The following KAZN variants were observed in gnomAD, a reference collection of about 807,000 sequenced individuals.
KAZN encodes kazrin.
In KAZN, 40 loss-of-function variants were observed where a neutral mutation model predicts 87.4. The observed-to-expected ratio is 0.46, with a 90% confidence interval of 0.36 to 0.60. KAZN has a LOEUF of 0.60. Ranked by LOEUF, KAZN falls within the 20% of genes least tolerant of loss-of-function variation. The pLI, the probability that KAZN is intolerant of heterozygous loss-of-function variation, is 0.00. For synonymous variants in KAZN, 466 were observed against 458.3 expected (o/e 1.02, Z -0.22); for missense variants, 898 against 1,073.9 (o/e 0.84, Z 2.29).
Position 14,235,021 on chromosome 1 carries a change from A to G in KAZN, c.249+54429A>G, listed in dbSNP as rs751698693. On this transcript the variant is annotated intron_variant, in intron 2 of 16. Coordinates refer to the KAZN transcript ENST00000636203. ...TAGCTAGTTACTGTATGACCCAGCA[A>G]TTCCACCCACACATACATATCCCCA... Among the ~76,000 whole-genome samples, 25 of 152,350 alleles carry G rather than the reference A, an allele frequency of 1.6e-4. 1 individual carries two copies. Among genetic ancestry groups the G allele is most frequent in the Middle Eastern group, 3.4e-3 (1 of 294 alleles).
At chr1:14,455,438 C>T (rs554598305) in intron 2 of KAZN, among the ~76,000 whole-genome samples, 4 of 152,212 alleles carry the variant, frequency 2.6e-5, no homozygotes, top group African/African-American at 7.2e-5. Context: ...GGGATCACTG[C>T]GGGCCATCTT....
At position 15,066,431 on chromosome 1, in the gene KAZN, G is replaced by A. The variant is rs1164728830; in HGVS notation, c.1222+678G>A. The A allele has an allele frequency of 1.5e-5, 15 of 985,190 alleles. No individual in the cohort carries two copies. Among genetic ancestry groups the A allele is most frequent in the Non-Finnish European group, 1.8e-5 (15 of 829,958 alleles). The allele number at this position is 985,190 out of a possible 1,614,324, so 61.0% of individuals were successfully genotyped here. Reference sequence around the variant, plus strand: ...CAAAACGCCATCGTCGTCAGGGTAAGCTCTGCTCTCTACAAAGACTCGCGA... The same window carrying A: ...CAAAACGCCATCGTCGTCAGGGTAAACTCTGCTCTCTACAAAGACTCGCGA... On this transcript the variant is annotated intron_variant, in intron 8 of 14. Coordinates refer to ENST00000376030, the MANE Select transcript of KAZN (RefSeq NM_201628.3). This position sits in a 1 kb window ranked among gnomAD's most constrained non-coding sequence, Gnocchi z 4.3.
chr1:14,029,866 C>T (rs956994439), intron 1 of KAZN, among the ~76,000 whole-genome samples: 79 of 152,232 alleles, frequency 5.2e-4, no homozygotes, highest in East Asian at 7.7e-4. Context: ...CATGCTGTTT[C>T]GGTTACTGTA....
intron 1 of KAZN, among the ~76,000 whole-genome samples, chr1:14,652,276 T>TCA (rs1638430267): frequency 6.6e-6 from 1 of 152,154 alleles, no homozygotes; most frequent in South Asian, 2.1e-4. Flanking sequence ...TGTGTGATAT[T>TCA]TTTACCCAAT....
chr1:14,185,873 G>T (rs959432740), intron 2 of KAZN, among the ~76,000 whole-genome samples: 1 of 152,098 alleles, frequency 6.6e-6, no homozygotes, highest in Non-Finnish European at 1.5e-5. Context: ...CTCTGTCATC[G>T]TTGTAAAATC....
chr1:14,191,904 G>A (rs1646427088), intron 2 of KAZN, among the ~76,000 whole-genome samples: 1 of 152,108 alleles, frequency 6.6e-6, no homozygotes, highest in Admixed American at 6.5e-5. Flanking sequence ...AGAGAACCAA[G>A]TACTTCTGCC....
At chr1:14,026,375 T>C (rs1641070608) in intron 1 of KAZN, among the ~76,000 whole-genome samples, 1 of 152,164 alleles carries the variant, frequency 6.6e-6, no homozygotes, top group Non-Finnish European at 1.5e-5. Flanking sequence ...TGCTTGAGAT[T>C]ATAGAGTGGT....
chr1:14,141,255 A>T lies in KAZN; in HGVS notation c.92-39180A>T, dbSNP rs532466849. On this transcript the variant is annotated intron_variant, in intron 1 of 16. Transcript: ENST00000636203. ...ACCATTTAAAAAAAAAAAAAAAAAC[A>T]AAACTAAAAATAGCTGCTTGGAGAA... is the stretch of plus-strand genomic sequence containing the variant. 1.4e-4 allele frequency among the ~76,000 whole-genome samples: 19 copies of T among 136,948 alleles called. 1 individual carries two copies. The South Asian group carries it at 2.3e-3, about 17-fold the overall frequency. 89.8% of individuals were successfully genotyped at this position (136,948 alleles called of 152,430 possible).
intron 2 of KAZN, among the ~76,000 whole-genome samples, chr1:14,373,553 A>G (rs532795752): frequency 1.6e-4 from 25 of 152,264 alleles, no homozygotes; most frequent in African/African-American, 6.0e-4. Flanking sequence ...TTCAAATGCT[A>G]ATCTCTTCCA....
chr1:14,565,359 G>C (rs183379849), intron 2 of KAZN, among the ~76,000 whole-genome samples: 1 of 151,684 alleles, frequency 6.6e-6, no homozygotes, highest in East Asian at 1.9e-4. Flanking sequence ...AATCGCGTAT[G>C]TCTAAAAAGC....
chr1:13,987,813 A>G (rs1446194205), intron 1 of KAZN, among the ~76,000 whole-genome samples: 1 of 152,182 alleles, frequency 6.6e-6, no homozygotes, highest in Non-Finnish European at 1.5e-5. Flanking sequence ...ATCTTAGTCT[A>G]TTTTGTGTTG....
At chr1:14,759,565 C>A (rs116564204) in intron 1 of KAZN, among the ~76,000 whole-genome samples, 282 of 152,240 alleles carry the variant, frequency 1.9e-3, no homozygotes, top group African/African-American at 6.5e-3. Flanking sequence ...CAATTATAGG[C>A]ACTAAAAGAC....
At chr1:15,003,066 C>T (rs1668656795) in intron 2 of KAZN, among the ~76,000 whole-genome samples, 1 of 151,702 alleles carries the variant, frequency 6.6e-6, no homozygotes, top group African/African-American at 2.4e-5. Flanking sequence ...CCTCAGGCGA[C>T]AGAAGGGCAC....
intron 2 of KAZN, chr1:14,390,567 G>A (rs917622877): frequency 1.1e-4 from 17 of 152,264 alleles, no homozygotes; most frequent in African/African-American, 3.9e-4. Context: ...ATCATGTTTT[G>A]TATTGCTGGA....
intron 1 of KAZN, among the ~76,000 whole-genome samples, chr1:14,871,414 G>A (rs74371247): frequency 0.011 from 1,722 of 152,112 alleles, 27 homozygotes; most frequent in African/African-American, 0.04. Context: ...GCTGGAGGAT[G>A]GGCTTCCTCT....
chr1:14,943,195 G>C (rs930167301), intron 1 of KAZN, among the ~76,000 whole-genome samples: 2 of 151,760 alleles, frequency 1.3e-5, no homozygotes, highest in Admixed American at 1.3e-4. Flanking sequence ...CCAGACAGAC[G>C]GGGAAACATT....
intron 1 of KAZN, among the ~76,000 whole-genome samples, chr1:14,897,644 G>C (rs1177290880): frequency 6.6e-6 from 1 of 151,754 alleles, no homozygotes; most frequent in African/African-American, 2.4e-5. Context: ...ATAGTGAAAA[G>C]AGTGGCATGC....
chr1:14,263,334 G>A (rs758773600), intron 2 of KAZN, among the ~76,000 whole-genome samples: 11 of 152,194 alleles, frequency 7.2e-5, no homozygotes, highest in Non-Finnish European at 1.5e-4. Context: ...GTTTAAATGA[G>A]ATAAACAAGC....
At chr1:14,851,049 G>A (rs761247797) in intron 1 of KAZN, among the ~76,000 whole-genome samples, 1 of 152,182 alleles carries the variant, frequency 6.6e-6, no homozygotes, top group Non-Finnish European at 1.5e-5. Flanking sequence ...CCCTGAGTTG[G>A]ACCAGCTATG....
Sources: gnomAD v4.1 joint callset for allele counts (sites outside exome capture counted in the v4.1 genomes callset) on GRCh38, gnomAD v4.1.1 for gene constraint, Gnocchi (gnomAD v3.1) non-coding constraint, MANE v1.5 for transcripts, NCBI Gene and HGNC (gene_info 2026-07-23, HGNC 2026-07-21) for gene names.